NIBAN3: variants seen among roughly 807,000 people sequenced by gnomAD.
The protein encoded by NIBAN3 is niban apoptosis regulator 3.
Under a neutral mutation model 76.4 loss-of-function variants are expected in NIBAN3, and 66 were observed. That is an observed-to-expected ratio of 0.86 (90% CI 0.71 to 1.06). The LOEUF is 1.06. Among genes scored for constraint, NIBAN3 ranks in the 50% least tolerant of loss-of-function variants. NIBAN3 has a pLI of 0.00. For missense variants in NIBAN3, 808 were observed against 810.7 expected, an observed-to-expected ratio of 1.00 and a Z score of 0.04; for synonymous variants, 360 against 355.2, an observed-to-expected ratio of 1.01 and a Z score of -0.15.
intron 14 of NIBAN3, among the ~76,000 whole-genome samples, chr19:17,550,651 G>A (rs1321179514): frequency 2.0e-5 from 3 of 152,114 alleles, no homozygotes; most frequent in Non-Finnish European, 1.5e-5. Context: ...GGGCCACAGA[G>A]AGAGACCCTG....
At position 17,553,506 on chromosome 19, in the gene NIBAN3, C is replaced by T; in HGVS notation, c.*1608C>T. 1 of 1,614,190 alleles carries T rather than the reference C, an allele frequency of 6.2e-7. No individual in the cohort carries two copies. Among genetic ancestry groups the T allele is most frequent in the African/African-American group, 1.3e-5 (1 of 75,042 alleles). On this transcript the variant is annotated 3_prime_UTR_variant, in exon 15 of 15. Coordinates refer to ENST00000599164, the MANE Select transcript of NIBAN3 (RefSeq NM_001321827.2). Reference sequence around the variant, plus strand: ...AGCTTGCAGAGGGACTTTCACACTCCCTGGAGACCGTTTCCTCCCATTCTG... The same window carrying T: ...AGCTTGCAGAGGGACTTTCACACTCTCTGGAGACCGTTTCCTCCCATTCTG...
intron 4 of NIBAN3, among the ~76,000 whole-genome samples, chr19:17,536,321 G>T (rs780858847): frequency 6.6e-6 from 1 of 152,104 alleles, no homozygotes; most frequent in Non-Finnish European, 1.5e-5. Flanking sequence ...CTCCTGAGTA[G>T]CTGAGACCAT....
Position 17,536,856 on chromosome 19 carries a change from G to T in NIBAN3, c.428-520G>T, listed in dbSNP as rs192448986. Among the ~76,000 whole-genome samples, 398 of 152,280 alleles carry T rather than the reference G, an allele frequency of 2.6e-3. 3 individuals are homozygous for T. The highest frequency in any genetic ancestry group is 0.01 in the Middle Eastern group (3 of 294). ...TAGAGCTAGAAAGTAGCTTGGCCAG[G>T]CTGGGCACAATGGCTCACACCTGTA... On this transcript the variant is annotated intron_variant, in intron 4 of 14. Coordinates refer to ENST00000599164, the MANE Select transcript of NIBAN3 (RefSeq NM_001321827.2).
At position 17,532,981 on chromosome 19, in the gene NIBAN3, A is replaced by T. The variant is rs568969314; in HGVS notation, c.312+593A>T. 1.1e-4 allele frequency among the ~76,000 whole-genome samples: 16 copies of T among 152,084 alleles called. No homozygotes were observed. In the South Asian group the frequency reaches 2.5e-3, roughly 24 times the overall value. ...TGGAGGGAGAGAGGAGGAAAAAAAA[A>T]GGGAGGGAGAGCCGGGCCTCGTGGC... On this transcript the variant is annotated intron_variant, in intron 3 of 14. Transcript: ENST00000599164.
Position 17,553,623 on chromosome 19 carries a change from CA to C in NIBAN3, c.*1727del. The C allele has an allele frequency of 6.9e-7, 1 of 1,449,934 alleles. No homozygotes were observed. 89.8% of individuals were successfully genotyped at this position (1,449,934 alleles called of 1,614,324 possible). On this transcript the variant is annotated 3_prime_UTR_variant, in exon 15 of 15. Transcript: ENST00000599164. ...CCCCACCTTCCGAAATACATTTGCT[CA>C]ATACATTTGCACTTCATAGGCTTCT...
intron 12 of NIBAN3, among the ~76,000 whole-genome samples, chr19:17,544,831 T>G (rs540462401): frequency 8.5e-4 from 129 of 152,294 alleles, no homozygotes; most frequent in African/African-American, 3.0e-3. Flanking sequence ...ACTCATACTA[T>G]TCCCTGTGAG....
In NIBAN3 at chr19:17,542,330, G is replaced by A; in HGVS notation, c.1329+36G>A. 6.4e-7 allele frequency: 1 copy of A among 1,562,754 alleles called. No homozygotes were observed. The highest frequency in any genetic ancestry group is 8.7e-7 in the Non-Finnish European group (1 of 1,155,740). On this transcript the variant is annotated intron_variant, in intron 10 of 14. Coordinates refer to ENST00000599164, the MANE Select transcript of NIBAN3 (RefSeq NM_001321827.2). This position sits in a 1 kb window ranked among gnomAD's most constrained non-coding sequence, Gnocchi z 4.8. ...GAGGAGGCTGGGATGAGGCCAGGCT[G>A]TGAAGACAGCCTCCACTGACCTCCT...
chr19:17,531,267 C>T (rs1201790855), intron 2 of NIBAN3, among the ~76,000 whole-genome samples: 1 of 150,492 alleles, frequency 6.6e-6, no homozygotes, highest in Non-Finnish European at 1.5e-5. Flanking sequence ...GTGGAGATTG[C>T]AGTGAGCCCA....
At chr19:17,532,830 C>G (rs540177357) in intron 3 of NIBAN3, among the ~76,000 whole-genome samples, 1 of 151,914 alleles carries the variant, frequency 6.6e-6, no homozygotes, top group African/African-American at 2.4e-5. Context: ...CGTGGGGAGC[C>G]CGTGGGTGCT....
intron 2 of NIBAN3, among the ~76,000 whole-genome samples, chr19:17,531,241 C>T (rs1028431215): frequency 9.3e-5 from 14 of 151,212 alleles, no homozygotes; most frequent in Non-Finnish European, 1.6e-4. Flanking sequence ...GCAGGAGAAT[C>T]GTTTGAACCT....
chr19:17,551,067 T>G (rs902187628), intron 14 of NIBAN3, among the ~76,000 whole-genome samples: 1 of 151,900 alleles, frequency 6.6e-6, no homozygotes, highest in Non-Finnish European at 1.5e-5. Flanking sequence ...ATCTTTTGGC[T>G]GCTTATACAT....
At chr19:17,546,122 C>T (rs1177423380) in intron 12 of NIBAN3, 7 of 210,802 alleles carry the variant, frequency 3.3e-5, no homozygotes, top group Admixed American at 9.6e-5. Context: ...CCTCACTATG[C>T]CCCCTCAGCT....
At chr19:17,529,812 C>T (rs955751095) in intron 1 of NIBAN3, among the ~76,000 whole-genome samples, 9 of 152,116 alleles carry the variant, frequency 5.9e-5, no homozygotes, top group Admixed American at 2.6e-4. Context: ...GTATTCCCAG[C>T]GCTTTGAGAA....
At chr19:17,546,547 A>G in intron 12 of NIBAN3, 139 bp from the exon 13 acceptor site, 3 of 1,263,842 alleles carry the variant, frequency 2.4e-6, no homozygotes, top group Non-Finnish European at 3.0e-6. Flanking sequence ...TTTAAAAATA[A>G]AGATAAGGAA....
At chr19:17,531,208 T>C (rs2075715637) in intron 2 of NIBAN3, among the ~76,000 whole-genome samples, 1 of 151,858 alleles carries the variant, frequency 6.6e-6, no homozygotes, top group Admixed American at 6.6e-5. Flanking sequence ...GCACCTGTAG[T>C]CCCAGCTACT....
At chr19:17,530,056 C>CA (rs201479668) in intron 1 of NIBAN3, among the ~76,000 whole-genome samples, 24,606 of 138,964 alleles carry the variant, frequency 0.18, 2,544 homozygotes, top group African/African-American at 0.3. Flanking sequence ...CACCCTGTCT[C>CA]AAAAAAAAGA....
intron 2 of NIBAN3, among the ~76,000 whole-genome samples, chr19:17,531,696 G>A (rs913562529): frequency 6.6e-6 from 1 of 152,076 alleles, no homozygotes. Flanking sequence ...ACCATGCCTG[G>A]GTAATTTTTG....
In NIBAN3 at chr19:17,539,456, G is replaced by C; in HGVS notation, c.816+5G>C. The C allele has an allele frequency of 6.8e-7, 1 of 1,468,872 alleles. No individual in the cohort carries two copies. Among genetic ancestry groups the C allele is most frequent in the South Asian group, 1.4e-5 (1 of 72,920 alleles). 91.0% of individuals were successfully genotyped at this position (1,468,872 alleles called of 1,614,324 possible). Reference sequence around the variant, plus strand: ...CGCGCCTGGGCCTGGACCGAGGTATGCACGGCGTCCGGATCCGGGATAGGG... The same window carrying C: ...CGCGCCTGGGCCTGGACCGAGGTATCCACGGCGTCCGGATCCGGGATAGGG... On this transcript the variant is annotated splice_donor_5th_base_variant and intron_variant, in intron 7 of 14. Transcript: ENST00000599164.
At position 17,528,562 on chromosome 19, in the gene NIBAN3, G is replaced by A. The variant is rs193062893; in HGVS notation, c.55+1167G>A. ...GCCCCTCGGTAGGACCCTGGGGATG[G>A]AGGCTCAGTTCCCAATTTGAGACTA... On this transcript the variant is annotated intron_variant, in intron 1 of 14. Coordinates refer to ENST00000599164, the MANE Select transcript of NIBAN3 (RefSeq NM_001321827.2). Among the ~76,000 whole-genome samples the A allele has an allele frequency of 2.9e-3, 444 of 152,246 alleles. 1 individual carries two copies. Among genetic ancestry groups the A allele is most frequent in the Admixed American group, 6.2e-3 (95 of 15,272 alleles).
Sources: allele counts gnomAD v4.1 joint callset (sites outside exome capture counted in the v4.1 genomes callset), GRCh38; gene constraint gnomAD v4.1.1; non-coding constraint Gnocchi (gnomAD v3.1); transcripts MANE v1.5; gene names NCBI Gene and HGNC (gene_info 2026-07-23, HGNC 2026-07-21).